Variants in DMGDH observed in about 807,000 individuals in gnomAD.
The protein encoded by DMGDH is dimethylglycine dehydrogenase, mitochondrial.
DMGDH carries 76 observed loss-of-function variants against 95.2 expected under a neutral mutation model. The ratio of observed to expected loss-of-function variants is 0.80; its 90% CI spans 0.66 to 0.97. The LOEUF is 0.97. DMGDH is among the 50% of genes least tolerant of loss of function. The probability of loss-of-function intolerance (pLI) is 0.00; values close to 1 mark genes in which losing one functional copy is unlikely to be tolerated. For synonymous variants in DMGDH, 345 were observed against 377.6 expected (o/e 0.91, Z 1.00); for missense variants, 987 against 1,055.0 (o/e 0.94, Z 0.89).
intron 14 of DMGDH, among the ~76,000 whole-genome samples, chr5:79,005,853 T>C (rs974996876): frequency 6.6e-6 from 1 of 152,150 alleles, no homozygotes; most frequent in Non-Finnish European, 1.5e-5. Flanking sequence ...ATGCAGTATT[T>C]TTTTTCTTTT....
At chr5:79,057,674 G>C (rs1755070864) in intron 2 of DMGDH, among the ~76,000 whole-genome samples, 1 of 152,124 alleles carries the variant, frequency 6.6e-6, no homozygotes, top group South Asian at 2.1e-4. Flanking sequence ...TAACATGTTG[G>C]TATCCAGTGT....
intron 15 of DMGDH, among the ~76,000 whole-genome samples, chr5:79,002,525 C>T (rs1218497215): frequency 1.3e-5 from 2 of 152,178 alleles, no homozygotes; most frequent in African/African-American, 4.8e-5. Flanking sequence ...CTGTCTCTCC[C>T]TCCTCTGGAA....
intron 14 of DMGDH, among the ~76,000 whole-genome samples, chr5:79,018,009 G>A (rs1753771656): frequency 6.6e-6 from 1 of 152,148 alleles, no homozygotes. Flanking sequence ...ACAAATTGTA[G>A]TATATCCATA....
chr5:79,041,956 C>T lies in DMGDH; in HGVS notation c.1193+327G>A, dbSNP rs184037299. Among the ~76,000 whole-genome samples the T allele has an allele frequency of 5.3e-5, 8 of 152,176 alleles. No homozygotes were observed. The East Asian group carries it at 1.2e-3, about 22-fold the overall frequency. On this transcript the variant is annotated intron_variant, in intron 7 of 15. Transcript: ENST00000255189. ...CAGAAGTCGCAGTGAGTCAAGATCA[C>T]GCCACTGTACTCTAGCCTGGGCAAC...
At chr5:79,009,160 G>T (rs1319741149) in intron 14 of DMGDH, among the ~76,000 whole-genome samples, 1 of 152,066 alleles carries the variant, frequency 6.6e-6, no homozygotes, top group Non-Finnish European at 1.5e-5. Context: ...TGTGTACTAT[G>T]TAAAAGTATC....
At chr5:79,002,840 T>G (rs1199636054) in intron 15 of DMGDH, among the ~76,000 whole-genome samples, 1 of 152,176 alleles carries the variant, frequency 6.6e-6, no homozygotes, top group Non-Finnish European at 1.5e-5. Context: ...GTATGTAAAA[T>G]GATGACCTTA....
At chr5:79,025,694 C>T (rs1356007619) in intron 13 of DMGDH, among the ~76,000 whole-genome samples, 1 of 152,168 alleles carries the variant, frequency 6.6e-6, no homozygotes, top group Non-Finnish European at 1.5e-5. Flanking sequence ...ACCACTATCC[C>T]TTATCTTACC....
rs1755276267 is a variant in DMGDH at position 79,063,614 on chromosome 5, G to A, written c.275C>T (p.Ala92Val). 9 of 1,614,164 alleles carry A rather than the reference G, an allele frequency of 5.6e-6. No individual in the cohort carries two copies. The highest frequency in any genetic ancestry group is 6.8e-6 in the Non-Finnish European group (8 of 1,180,032). The change falls in exon 2 of 16, where the codon GCA becomes GTA. Residue 92 changes from alanine to valine, a missense_variant and splice_region_variant. Transcript: ENST00000255189. ...SELTAGSTWH[A>V]AGLTTYFHPG... ...GACAGTTTGGGGTGCTTTTCTTACT[G>A]CGTGCCAGGTAGATCCAGCCGTGAG...
At chr5:79,025,430 A>T (rs1753972670) in intron 13 of DMGDH, among the ~76,000 whole-genome samples, 1 of 152,116 alleles carries the variant, frequency 6.6e-6, no homozygotes. Context: ...GAGCTTGCCC[A>T]CTTGCTTCTG....
At chr5:79,060,694 G>A (rs1300165164) in intron 2 of DMGDH, among the ~76,000 whole-genome samples, 1 of 152,016 alleles carries the variant, frequency 6.6e-6, no homozygotes, top group Non-Finnish European at 1.5e-5. Context: ...GCCGAGCAGG[G>A]CAGATCACGA....
chr5:79,040,319 A>G (rs1254915941), intron 7 of DMGDH, among the ~76,000 whole-genome samples: 1 of 152,256 alleles, frequency 6.6e-6, no homozygotes, highest in Admixed American at 6.5e-5. Flanking sequence ...AAAAGGAATC[A>G]GAAAAAAGAC....
intron 15 of DMGDH, among the ~76,000 whole-genome samples, chr5:79,002,996 T>A (rs1753480063): frequency 6.6e-6 from 1 of 152,238 alleles, no homozygotes; most frequent in South Asian, 2.1e-4. Flanking sequence ...AACCTTTAGA[T>A]TAGACCTTGG....
At chr5:79,065,611 G>A (rs1190732939) in intron 1 of DMGDH, among the ~76,000 whole-genome samples, 1 of 152,174 alleles carries the variant, frequency 6.6e-6, no homozygotes, top group African/African-American at 2.4e-5. Flanking sequence ...TTTATAAGTA[G>A]GAGTATACTC....
intron 7 of DMGDH, among the ~76,000 whole-genome samples, chr5:79,041,861 G>A (rs757724573): frequency 1.4e-4 from 21 of 152,086 alleles, no homozygotes; most frequent in African/African-American, 2.7e-4. Flanking sequence ...ATTAGCCGGC[G>A]TGATGCCGGG....
intron 15 of DMGDH, chr5:79,000,089 A>C (rs1753428470): frequency 1.6e-5 from 6 of 375,184 alleles, no homozygotes; most frequent in South Asian, 1.5e-4. Context: ...ATTTTCACTT[A>C]CTCCATTACT....
intron 14 of DMGDH, chr5:79,020,659 C>G (rs1049632210): frequency 1.0e-6 from 1 of 970,212 alleles, no homozygotes; most frequent in African/African-American, 1.8e-5. Flanking sequence ...TCAACATTGT[C>G]TTATAACTTA....
At chr5:79,050,135 T>C (rs1754798780) in intron 5 of DMGDH, among the ~76,000 whole-genome samples, 2 of 150,730 alleles carry the variant, frequency 1.3e-5, no homozygotes, top group South Asian at 4.2e-4. Context: ...CAGGCGCCTG[T>C]TATTCCTGCC....
At chr5:79,016,538 G>A (rs934546503) in intron 14 of DMGDH, among the ~76,000 whole-genome samples, 1 of 152,096 alleles carries the variant, frequency 6.6e-6, no homozygotes, top group Non-Finnish European at 1.5e-5. Context: ...AGATATGTAA[G>A]ACCTGTATAC....
chr5:79,069,322 G>A (rs1191956449), intron 1 of DMGDH, among the ~76,000 whole-genome samples, 198 bp downstream of exon 1: 2 of 152,208 alleles, frequency 1.3e-5, no homozygotes, highest in African/African-American at 4.8e-5. Context: ...CTGGCCAAGG[G>A]GATTGGGGCA....
Sources: gnomAD v4.1 joint callset for allele counts (sites outside exome capture counted in the v4.1 genomes callset) on GRCh38, gnomAD v4.1.1 for gene constraint, MANE v1.5 for transcripts, NCBI Gene and HGNC (gene_info 2026-07-23, HGNC 2026-07-21) for gene names.